Variants in RALYL observed in about 807,000 individuals in gnomAD.
The protein encoded by RALYL is RNA-binding Raly-like protein.
RALYL carries 29 observed loss-of-function variants against 35.1 expected under a neutral mutation model. That is an observed-to-expected ratio of 0.83 (90% CI 0.61 to 1.13). The LOEUF is 1.13. RALYL is among the 50% of genes most tolerant of loss of function. RALYL has a pLI of 0.00. For synonymous variants in RALYL, 120 were observed against 127.6 expected (o/e 0.94, Z 0.40); for missense variants, 359 against 360.4 (o/e 1.00, Z 0.03).
intron 2 of RALYL, among the ~76,000 whole-genome samples, chr8:84,625,141 C>A (rs1214386241): frequency 6.6e-6 from 1 of 152,086 alleles, no homozygotes; most frequent in Non-Finnish European, 1.5e-5. Flanking sequence ...GTCTTTCAAG[C>A]AAGTTGATTT....
intron 2 of RALYL, among the ~76,000 whole-genome samples, chr8:84,555,571 ACATT>A (rs907793389): frequency 2.0e-5 from 3 of 152,210 alleles, no homozygotes; most frequent in Non-Finnish European, 4.4e-5. Context: ...ATTCAAGGAA[ACATT>A]TCCTGAATCA....
At chr8:84,285,418 C>T (rs74339701) in intron 1 of RALYL, among the ~76,000 whole-genome samples, 3 of 152,202 alleles carry the variant, frequency 2.0e-5, no homozygotes, top group African/African-American at 7.2e-5. Flanking sequence ...AAGATATGCA[C>T]ATCTTCCAAT....
At chr8:84,571,916 A>C (rs1307549562) in intron 2 of RALYL, among the ~76,000 whole-genome samples, 1 of 151,758 alleles carries the variant, frequency 6.6e-6, no homozygotes, top group Admixed American at 6.6e-5. Context: ...GCATTTTTGT[A>C]GTTTTGAGAG....
chr8:84,186,655 C>A (rs1490933077), intron 1 of RALYL, among the ~76,000 whole-genome samples: 1 of 152,094 alleles, frequency 6.6e-6, no homozygotes, highest in Admixed American at 6.6e-5. Flanking sequence ...TTAATGGGAC[C>A]AAAGACGATT....
intron 2 of RALYL, among the ~76,000 whole-genome samples, chr8:84,686,930 C>A (rs900501634): frequency 7.6e-4 from 116 of 152,150 alleles, no homozygotes; most frequent in African/African-American, 2.6e-3. Flanking sequence ...ATTTCAAATA[C>A]TTTCACTCTA....
intron 2 of RALYL, among the ~76,000 whole-genome samples, chr8:84,531,430 C>T (rs943811944): frequency 1.3e-5 from 2 of 152,048 alleles, no homozygotes; most frequent in Non-Finnish European, 2.9e-5. Flanking sequence ...TTGGTCCCAT[C>T]GAACTTTCTA....
chr8:84,312,234 G>T (rs1276506096), intron 1 of RALYL, among the ~76,000 whole-genome samples: 1 of 152,134 alleles, frequency 6.6e-6, no homozygotes, highest in Admixed American at 6.5e-5. Flanking sequence ...CCATAATCCA[G>T]TCACCTCCCA....
chr8:84,676,185 A>AT (rs1451290791), intron 2 of RALYL, among the ~76,000 whole-genome samples: 2 of 152,132 alleles, frequency 1.3e-5, no homozygotes, highest in African/African-American at 4.8e-5. Context: ...TTCTCTTTGG[A>AT]TTTTTTCTGA....
rs143695458 is a variant in RALYL, at chr8:84,916,112, A to G, written c.859-4782A>G. ...AACAATACTATGAAACAATCATAAAAGGAAAAGGAAAAAGGAGGAACTTAA... is the reference window on the plus strand; with the variant it reads ...AACAATACTATGAAACAATCATAAAGGGAAAAGGAAAAAGGAGGAACTTAA... On this transcript the variant is annotated intron_variant, in intron 8 of 8. Transcript: ENST00000521268. Among the ~76,000 whole-genome samples, 207 of 152,194 alleles carry G rather than the reference A, an allele frequency of 1.4e-3. 4 individuals carry two copies. The East Asian group carries it at 0.031, about 23-fold the overall frequency.
At chr8:84,615,424 C>T (rs1349648239) in intron 2 of RALYL, among the ~76,000 whole-genome samples, 3 of 151,088 alleles carry the variant, frequency 2.0e-5, no homozygotes, top group African/African-American at 7.3e-5. Flanking sequence ...ATTTATATAC[C>T]ATCTTATTCC....
At chr8:84,818,986 T>C (rs1391503268) in intron 4 of RALYL, among the ~76,000 whole-genome samples, 1 of 152,152 alleles carries the variant, frequency 6.6e-6, no homozygotes, top group Non-Finnish European at 1.5e-5. Context: ...CCCCAAGCTT[T>C]AAATATGCCC....
chr8:84,751,746 TG>T (rs1206829208), intron 2 of RALYL, among the ~76,000 whole-genome samples: 2 of 152,214 alleles, frequency 1.3e-5, no homozygotes, highest in Non-Finnish European at 1.5e-5. Context: ...AAATCCTGAC[TG>T]CCCCCTTTGC....
At chr8:84,528,601 T>C (rs550618679) in intron 1 of RALYL, among the ~76,000 whole-genome samples, 27 of 152,144 alleles carry the variant, frequency 1.8e-4, no homozygotes, top group Non-Finnish European at 3.4e-4. Context: ...TTGCTGATCA[T>C]TGATGAACAC....
intron 6 of RALYL, among the ~76,000 whole-genome samples, chr8:84,867,255 C>T (rs1234683055): frequency 6.6e-6 from 1 of 152,184 alleles, no homozygotes; most frequent in East Asian, 1.9e-4. Context: ...TGTCCTCTAA[C>T]TTCAGGCCAG....
intron 2 of RALYL, among the ~76,000 whole-genome samples, chr8:84,535,230 T>C (rs2059517688): frequency 6.6e-6 from 1 of 152,188 alleles, no homozygotes; most frequent in South Asian, 2.1e-4. Context: ...ATCACACAAA[T>C]GGTGGTGCAA....
At chr8:84,682,223 G>T (rs1314028152) in intron 2 of RALYL, among the ~76,000 whole-genome samples, 1 of 152,180 alleles carries the variant, frequency 6.6e-6, no homozygotes, top group African/African-American at 2.4e-5. Context: ...TTTTTGATGT[G>T]CTGCTGGATT....
intron 3 of RALYL, among the ~76,000 whole-genome samples, chr8:84,789,719 G>A (rs1159782839): frequency 1.3e-5 from 2 of 152,054 alleles, no homozygotes; most frequent in African/African-American, 2.4e-5. Context: ...TTAGTCGGGT[G>A]TGGTCATGTA....
intron 2 of RALYL, among the ~76,000 whole-genome samples, chr8:84,728,357 G>T (rs923609773): frequency 2.0e-4 from 31 of 152,046 alleles, no homozygotes; most frequent in African/African-American, 6.3e-4. Context: ...TGAGTTCATT[G>T]TAGATTCTGG....
At chr8:84,313,912 A>G (rs907425939) in intron 1 of RALYL, among the ~76,000 whole-genome samples, 3 of 152,168 alleles carry the variant, frequency 2.0e-5, no homozygotes, top group Non-Finnish European at 4.4e-5. Context: ...TTGTAGCAGT[A>G]TCCCACTATC....
Sources: allele counts gnomAD v4.1 joint callset (sites outside exome capture counted in the v4.1 genomes callset), GRCh38; gene constraint gnomAD v4.1.1; transcripts MANE v1.5; gene names NCBI Gene and HGNC (gene_info 2026-07-23, HGNC 2026-07-21).